TEC: variants seen among roughly 807,000 people sequenced by gnomAD.
TEC encodes tec protein tyrosine kinase.
A neutral mutation model predicts 93.0 loss-of-function variants in TEC; 72 were observed. That is an observed-to-expected ratio of 0.77 (90% CI 0.64 to 0.94). The LOEUF (loss-of-function observed/expected upper bound fraction) is 0.94, where lower values mean the gene tolerates loss of function less well. TEC is among the 40% of genes least tolerant of loss of function. The pLI is 0.00. For missense variants in TEC, 630 were observed against 757.9 expected (o/e 0.83, Z 1.98); for synonymous variants, 249 against 247.7 (o/e 1.01, Z -0.05).
At chr4:48,253,506 A>G (rs1724262263) in intron 1 of TEC, among the ~76,000 whole-genome samples, 1 of 150,926 alleles carries the variant, frequency 6.6e-6, no homozygotes, top group African/African-American at 2.4e-5. Context: ...TTTCTCTTGC[A>G]TTCTTCCACC....
chr4:48,186,871 G>A (rs558887434), intron 2 of TEC, among the ~76,000 whole-genome samples: 13 of 146,722 alleles, frequency 8.9e-5, no homozygotes, highest in Admixed American at 2.0e-4. Flanking sequence ...GCCTCTGCCC[G>A]GCCGCCCCGT....
At chr4:48,168,713 G>A in intron 5 of TEC, 87 bp from the exon 6 acceptor site, 1 of 1,410,416 alleles carries the variant, frequency 7.1e-7, no homozygotes, top group South Asian at 1.2e-5. Flanking sequence ...AAGGAAAAGT[G>A]GAAGTTAACA....
At chr4:48,158,389 T>C (rs1369019463) in intron 8 of TEC, among the ~76,000 whole-genome samples, 1 of 152,174 alleles carries the variant, frequency 6.6e-6, no homozygotes, top group Non-Finnish European at 1.5e-5. Flanking sequence ...CTTTATAAAA[T>C]GAGACCAAGT....
intron 11 of TEC, among the ~76,000 whole-genome samples, chr4:48,147,167 C>A (rs532731465): frequency 2.0e-5 from 3 of 152,006 alleles, no homozygotes; most frequent in African/African-American, 7.2e-5. Context: ...AGCAAAAACA[C>A]CAAAAAAGAA....
intron 15 of TEC, among the ~76,000 whole-genome samples, chr4:48,139,778 T>C (rs948144142): frequency 1.3e-5 from 2 of 152,250 alleles, no homozygotes; most frequent in Non-Finnish European, 2.9e-5. Context: ...TATCTCTGTA[T>C]TGTGTGTGAA....
At chr4:48,221,492 G>A (rs1723259889) in intron 2 of TEC, among the ~76,000 whole-genome samples, 1 of 152,264 alleles carries the variant, frequency 6.6e-6, no homozygotes, top group East Asian at 1.9e-4. Context: ...CAGCTATGCT[G>A]AACTGTGAGT....
At chr4:48,231,526 G>A (rs543480997) in intron 1 of TEC, among the ~76,000 whole-genome samples, 31 of 152,200 alleles carry the variant, frequency 2.0e-4, no homozygotes, top group Non-Finnish European at 3.8e-4. Flanking sequence ...GGAGGCCGAC[G>A]CAGGCGGATC....
At chr4:48,262,190 A>C in intron 1 of TEC, among the ~76,000 whole-genome samples, 1 of 58,902 alleles carries the variant, frequency 1.7e-5, no homozygotes, top group Non-Finnish European at 4.0e-5. Context: ...GGTAATTGTG[A>C]CCAAATGTCT....
chr4:48,246,384 T>C (rs1389626782), intron 1 of TEC, among the ~76,000 whole-genome samples: 2 of 151,940 alleles, frequency 1.3e-5, no homozygotes, highest in Non-Finnish European at 2.9e-5. Context: ...AATTCTCTAT[T>C]AAAATCCCAA....
At chr4:48,186,281 C>A (rs1329910891) in intron 2 of TEC, among the ~76,000 whole-genome samples, 1 of 152,134 alleles carries the variant, frequency 6.6e-6, no homozygotes, top group African/African-American at 2.4e-5. Flanking sequence ...GCCGCCACCC[C>A]GTCTGGGAAG....
intron 2 of TEC, among the ~76,000 whole-genome samples, chr4:48,210,053 A>G (rs1474026464): frequency 6.6e-6 from 1 of 152,242 alleles, no homozygotes; most frequent in Admixed American, 6.5e-5. Flanking sequence ...AAAATTAAAA[A>G]TAAAACTAAA....
rs533445085 is a variant in TEC, at chr4:48,137,462, C to T, written c.1850G>A (p.Arg617His). The T allele has an allele frequency of 2.1e-4, 335 of 1,614,102 alleles. 2 individuals carry two copies. The South Asian group carries it at 2.5e-3, about 12-fold the overall frequency. The change falls in exon 18 of 18, where the codon CGC (arginine) becomes CAC (histidine). Residue 617 changes from arginine (R) to histidine (H), a missense_variant. Coordinates refer to ENST00000381501, the MANE Select transcript of TEC (RefSeq NM_003215.3). ...EGRPSFEDLL[R>H]TIDELVECEE... ...ACATTCAACTAGTTCATCTATTGTG[C>T]GCAGCAGATCTTCGAAAGAAGGCCT...
At chr4:48,168,018 A>G in intron 6 of TEC, 65 bp from the exon 7 acceptor site, 1 of 1,440,570 alleles carries the variant, frequency 6.9e-7, no homozygotes, top group Non-Finnish European at 9.7e-7. Flanking sequence ...GAATCAAAAC[A>G]CTAAATGAGT....
At chr4:48,216,244 GAA>G (rs11332952) in intron 2 of TEC, among the ~76,000 whole-genome samples, 4 of 136,330 alleles carry the variant, frequency 2.9e-5, no homozygotes, top group South Asian at 4.8e-4. Context: ...TACGCCCCAG[GAA>G]AAAAAAAAAA....
chr4:48,167,244 TACATAC>T (rs1273305191), intron 7 of TEC, among the ~76,000 whole-genome samples: 3 of 152,140 alleles, frequency 2.0e-5, no homozygotes, highest in East Asian at 3.8e-4. Context: ...ATTTTATATA[TACATAC>T]ACAAACACAT....
At chr4:48,260,054 G>A (rs1161632576) in intron 1 of TEC, among the ~76,000 whole-genome samples, 1 of 152,150 alleles carries the variant, frequency 6.6e-6, no homozygotes, top group East Asian at 1.9e-4. Flanking sequence ...CATCCAATAA[G>A]ATGAAATGAG....
At chr4:48,141,520 A>G in intron 14 of TEC, 101 bp from the exon 15 acceptor site, 1 of 1,165,496 alleles carries the variant, frequency 8.6e-7, no homozygotes, top group Non-Finnish European at 1.2e-6. Context: ...AACCTAGTCA[A>G]CATTTGCAGA....
chr4:48,184,590 G>A (rs1373324192), intron 2 of TEC, among the ~76,000 whole-genome samples: 1 of 152,024 alleles, frequency 6.6e-6, no homozygotes, highest in Non-Finnish European at 1.5e-5. Context: ...ACCTCTGTTT[G>A]TACATATATT....
At chr4:48,167,629 CTG>C (rs982051744) in intron 7 of TEC, 147 bp downstream of exon 7, 2 of 641,782 alleles carry the variant, frequency 3.1e-6, no homozygotes, top group African/African-American at 1.8e-5. Context: ...TAAGAAAGGA[CTG>C]TGTTACTACC....
Sources: allele counts gnomAD v4.1 joint callset (sites outside exome capture counted in the v4.1 genomes callset), GRCh38; gene constraint gnomAD v4.1.1; transcripts MANE v1.5; gene names NCBI Gene and HGNC (gene_info 2026-07-23, HGNC 2026-07-21).